Variants in PI4K2B observed in about 807,000 individuals in gnomAD.
PI4K2B encodes phosphatidylinositol 4-kinase type 2-beta.
A neutral mutation model predicts 56.6 loss-of-function variants in PI4K2B; 46 were observed. The ratio of observed to expected loss-of-function variants is 0.81; its 90% CI spans 0.64 to 1.04. PI4K2B has a LOEUF of 1.04. Ranked by LOEUF, PI4K2B falls within the 50% of genes least tolerant of loss-of-function variation. The pLI, the probability that PI4K2B is intolerant of heterozygous loss-of-function variation, is 0.00. For missense variants in PI4K2B, 556 were observed against 607.7 expected, an observed-to-expected ratio of 0.91 and a Z score of 0.89; for synonymous variants, 211 against 223.8, an observed-to-expected ratio of 0.94 and a Z score of 0.51.
At chr4:25,249,586 C>T (rs570921037) in intron 1 of PI4K2B, among the ~76,000 whole-genome samples, 4 of 144,510 alleles carry the variant, frequency 2.8e-5, no homozygotes, top group South Asian at 2.2e-4. Context: ...CCAGATGGGG[C>T]GGCTGCTGGG....
intron 1 of PI4K2B, among the ~76,000 whole-genome samples, chr4:25,239,586 G>A (rs1380827278): frequency 2.0e-5 from 3 of 152,164 alleles, no homozygotes; most frequent in South Asian, 4.1e-4. Context: ...AGTGCCACAC[G>A]CAACCCCAGT....
At chr4:25,253,584 T>C (rs936645317) in intron 2 of PI4K2B, among the ~76,000 whole-genome samples, 1 of 152,210 alleles carries the variant, frequency 6.6e-6, no homozygotes, top group African/African-American at 2.4e-5. Flanking sequence ...TACTAGTGAC[T>C]CAGACCTTAT....
chr4:25,234,185 G>A lies in PI4K2B; in HGVS notation c.22G>A (p.Asp8Asn). 1 of 1,401,014 alleles carries A rather than the reference G, an allele frequency of 7.1e-7. No individual in the cohort carries two copies. The highest frequency in any genetic ancestry group is 3.0e-5 in the East Asian group (1 of 33,398). The allele number at this position is 1,401,014 out of a possible 1,614,324, so 86.8% of individuals were successfully genotyped here. A position where few individuals can be genotyped will look rare whatever the true frequency, so the allele number is the denominator to read the frequency against. Residue 8 changes from aspartate to asparagine, a missense_variant, in exon 1 of 10, where the codon GAC becomes AAC. Asp to Asn is a conservative substitution (Grantham distance 23). Transcript: ENST00000264864. MEDPSEP[D>N]RLASADGGSP... The stretch of plus-strand genomic sequence containing the variant: ...GTCCATGGAGGATCCCTCCGAGCCC[G>A]ACCGGTTGGCGTCCGCGGACGGCGG...
intron 1 of PI4K2B, among the ~76,000 whole-genome samples, chr4:25,242,827 G>T (rs973047647): frequency 6.6e-6 from 1 of 152,190 alleles, no homozygotes; most frequent in Non-Finnish European, 1.5e-5. Flanking sequence ...TCCTTCCAAT[G>T]CCCAGACTTC....
intron 1 of PI4K2B, among the ~76,000 whole-genome samples, chr4:25,243,038 G>T (rs1423093479): frequency 6.6e-6 from 1 of 152,216 alleles, no homozygotes; most frequent in Non-Finnish European, 1.5e-5. Context: ...CTGGTTACAG[G>T]CTGTCCCAGG....
intron 8 of PI4K2B, 140 bp downstream of exon 8, chr4:25,268,716 A>G (rs995199919): frequency 5.1e-6 from 3 of 587,398 alleles, no homozygotes; most frequent in Admixed American, 3.6e-5. Context: ...AGGAATTAGC[A>G]GTTTTATTTA....
intron 6 of PI4K2B, among the ~76,000 whole-genome samples, chr4:25,262,940 T>C (rs1416412570): frequency 6.6e-6 from 1 of 152,198 alleles, no homozygotes; most frequent in East Asian, 1.9e-4. Flanking sequence ...GCTGGGTCAT[T>C]TATAAAGAAA....
chr4:25,234,037 G>T lies in PI4K2B; in HGVS notation c.-127G>T. 1 of 829,584 alleles carries T rather than the reference G, an allele frequency of 1.2e-6. No homozygotes were observed. Among genetic ancestry groups the T allele is most frequent in the Non-Finnish European group, 1.6e-6 (1 of 621,262 alleles). The allele number at this position is 829,584 out of a possible 1,614,324, so 51.4% of individuals were successfully genotyped here. A position where few individuals can be genotyped will look rare whatever the true frequency, so the allele number is the denominator to read the frequency against. ...GACAACCGCTGGGCGGGCGCCAAGC[G>T]TGCCCGTGCGCTGGTGAGGTGGCGT... is the stretch of plus-strand genomic sequence containing the variant. On this transcript the variant is annotated 5_prime_UTR_variant, in exon 1 of 10. Coordinates refer to ENST00000264864, the MANE Select transcript of PI4K2B (RefSeq NM_018323.4).
chr4:25,244,007 C>T (rs1715653839), intron 1 of PI4K2B, among the ~76,000 whole-genome samples: 1 of 152,152 alleles, frequency 6.6e-6, no homozygotes, highest in Non-Finnish European at 1.5e-5. Flanking sequence ...ACATTCTTCT[C>T]ATTAAAGGCC....
intron 7 of PI4K2B, among the ~76,000 whole-genome samples, chr4:25,265,196 ACC>A (rs1716620977): frequency 1.4e-5 from 2 of 143,948 alleles, no homozygotes; most frequent in South Asian, 2.3e-4. Flanking sequence ...TCTCTGTCTC[ACC>A]AAAAAAAAAA....
chr4:25,252,045 G>T (rs570290414), intron 1 of PI4K2B, among the ~76,000 whole-genome samples: 1 of 152,212 alleles, frequency 6.6e-6, no homozygotes, highest in Non-Finnish European at 1.5e-5. Flanking sequence ...GGCTGGTCTT[G>T]AACTCTCCTG....
intron 9 of PI4K2B, among the ~76,000 whole-genome samples, chr4:25,271,484 T>C (rs1306867504): frequency 3.9e-5 from 6 of 152,118 alleles, no homozygotes; most frequent in Admixed American, 3.9e-4. Flanking sequence ...AGGGTACAGA[T>C]TTGCTTAGTA....
chr4:25,240,636 C>T (rs928584662), intron 1 of PI4K2B, among the ~76,000 whole-genome samples: 1 of 152,072 alleles, frequency 6.6e-6, no homozygotes, highest in Non-Finnish European at 1.5e-5. Flanking sequence ...AGATATTGGT[C>T]GATGTTCCAC....
intron 1 of PI4K2B, among the ~76,000 whole-genome samples, chr4:25,249,739 G>A (rs1715963938): frequency 6.6e-6 from 1 of 151,868 alleles, no homozygotes. Context: ...TCTCAGACGG[G>A]GCGGCGGGGC....
chr4:25,248,596 TG>T (rs139967178), intron 1 of PI4K2B, among the ~76,000 whole-genome samples: 12,933 of 90,552 alleles, frequency 0.14, 690 homozygotes, highest in East Asian at 0.29. Flanking sequence ...ACATGATGTA[TG>T]GTTTTTTTTT....
chr4:25,238,078 A>G (rs560507566), intron 1 of PI4K2B, among the ~76,000 whole-genome samples: 4 of 152,212 alleles, frequency 2.6e-5, no homozygotes, highest in Non-Finnish European at 5.9e-5. Context: ...TGGTTTATAA[A>G]TATGTGAACA....
intron 4 of PI4K2B, among the ~76,000 whole-genome samples, chr4:25,257,525 T>C (rs1277895262): frequency 6.6e-6 from 1 of 152,244 alleles, no homozygotes. Context: ...CATTAGGTTT[T>C]CTTTTTTCTT....
rs1427119288 is a variant in PI4K2B, at chr4:25,252,384, T to C, written c.332T>C (p.Leu111Pro). ...GACCCAGAATTTGCCGATATTATGC[T>C]GAGAGCAGAGCAAGCAATAGAAGTT... ...LDDPEFADIMLRAEQAIEVGI... is the reference protein window; with the variant it reads ...LDDPEFADIMPRAEQAIEVGI... Residue 111 changes from leucine (L) to proline (P), a missense_variant, in exon 2 of 10, where the codon CTG (leucine) becomes CCG (proline). By Grantham distance (98) the Leu-to-Pro change is moderately conservative. Coordinates refer to ENST00000264864, the MANE Select transcript of PI4K2B (RefSeq NM_018323.4). 1.2e-6 allele frequency: 2 copies of C among 1,607,642 alleles called. No individual in the cohort carries two copies. Among genetic ancestry groups the C allele is most frequent in the Non-Finnish European group, 1.7e-6 (2 of 1,174,148 alleles).
At chr4:25,255,436 A>T (rs997858810) in intron 3 of PI4K2B, among the ~76,000 whole-genome samples, 171 bp downstream of exon 3, 1 of 115,918 alleles carries the variant, frequency 8.6e-6, no homozygotes, top group Non-Finnish European at 1.9e-5. Context: ...GTGTAGATCC[A>T]CAAAGTACTT....
Sources: gnomAD v4.1 joint callset for allele counts (sites outside exome capture counted in the v4.1 genomes callset) on GRCh38, gnomAD v4.1.1 for gene constraint, MANE v1.5 for transcripts, NCBI Gene and HGNC (gene_info 2026-07-23, HGNC 2026-07-21) for gene names.